SERPINF1: variants seen among roughly 807,000 people sequenced by gnomAD.
SERPINF1 encodes the protein pigment epithelium-derived factor.
SERPINF1 carries 29 observed loss-of-function variants against 37.3 expected under a neutral mutation model. That is an observed-to-expected ratio of 0.78 (90% CI 0.58 to 1.06). SERPINF1 has a LOEUF of 1.06. Ranked by LOEUF, SERPINF1 falls within the 50% of genes least tolerant of loss-of-function variation. The probability of loss-of-function intolerance (pLI) is 0.00; values close to 1 mark genes in which losing one functional copy is unlikely to be tolerated. For synonymous variants in SERPINF1, 281 were observed against 227.9 expected (o/e 1.23, Z -2.10); for missense variants, 553 against 532.2 (o/e 1.04, Z -0.38).
At chr17:1,771,821 G>A (rs975515665) in intron 4 of SERPINF1, 51 bp from the exon 5 acceptor site, 38 of 1,572,792 alleles carry the variant, frequency 2.4e-5, no homozygotes, top group Non-Finnish European at 3.1e-5. Context: ...TCAAAGACGG[G>A]ATGCTTGTCG....
chr17:1,771,575 C>A (rs1410732339), intron 4 of SERPINF1: 2 of 482,170 alleles, frequency 4.1e-6, no homozygotes, highest in Non-Finnish European at 7.6e-6. Context: ...CCAGGCCTGG[C>A]CTGGCACTGG....
intron 2 of SERPINF1, among the ~76,000 whole-genome samples, chr17:1,769,375 C>CGTGA: frequency 6.6e-6 from 1 of 150,402 alleles, no homozygotes; most frequent in African/African-American, 2.5e-5. Context: ...CGCCACCGTA[C>CGTGA]TCCAGCCTGA....
Position 1,769,837 on chromosome 17 carries a change from C to A in SERPINF1, c.85-15C>A. 1 of 1,614,144 alleles carries A rather than the reference C, an allele frequency of 6.2e-7. No homozygotes were observed. The highest frequency in any genetic ancestry group is 8.5e-7 in the Non-Finnish European group (1 of 1,179,984). ...GTCCCTGAACTCAAACCCAAGACTT[C>A]CTGTCTCCTGCCAGGGCTCCCCAGA... On this transcript the variant is annotated splice_polypyrimidine_tract_variant and intron_variant, in intron 2 of 7. Transcript: ENST00000254722.
At position 1,771,198 on chromosome 17, in the gene SERPINF1, G is replaced by A; in HGVS notation, c.439+14G>A. The A allele has an allele frequency of 6.2e-7, 1 of 1,612,392 alleles. No individual in the cohort carries two copies. The highest frequency in any genetic ancestry group is 8.5e-7 in the Non-Finnish European group (1 of 1,179,332). On this transcript the variant is annotated intron_variant, in intron 4 of 7. Transcript: ENST00000254722. ...TCTTTGAGAAGAGTGAGTCGCCTTT[G>A]CAGCCCAAGTTGCCTGAGGCATGTG... is the stretch of plus-strand genomic sequence containing the variant.
intron 5 of SERPINF1, 99 bp downstream of exon 5, chr17:1,772,174 T>C: frequency 1.1e-5 from 14 of 1,291,012 alleles, no homozygotes; most frequent in Non-Finnish European, 1.3e-5. Flanking sequence ...TGGAGTGCAG[T>C]GGTGCGATCT....
chr17:1,770,455 T>G (rs1334601892), intron 3 of SERPINF1: 7 of 102,516 alleles, frequency 6.8e-5, no homozygotes, highest in Non-Finnish European at 1.1e-4. Flanking sequence ...GAATAGTCTT[T>G]TTTTTTTTTT....
rs1333997332 is a variant in SERPINF1 at position 1,771,113 on chromosome 17, A to C, written c.368A>C (p.Lys123Thr). 1 of 1,614,106 alleles carries C rather than the reference A, an allele frequency of 6.2e-7. No individual in the cohort carries two copies. Among genetic ancestry groups the C allele is most frequent in the Non-Finnish European group, 8.5e-7 (1 of 1,179,992 alleles). ...AGCCCAGACATCCATGGTACCTATA[A>C]GGAGCTCCTTGACACGGTCACTGCC... ...ISSPDIHGTY[K>T]ELLDTVTAPQ... Residue 123 changes from lysine (K) to threonine (T), a missense_variant, in exon 4 of 8, where the codon AAG (lysine) becomes ACG (threonine). Lys to Thr is a moderately conservative substitution (Grantham distance 78, BLOSUM62 -1). Transcript: ENST00000254722.
At chr17:1,766,716 G>A in intron 1 of SERPINF1, 187 bp from the exon 2 acceptor site, 2 of 600,754 alleles carry the variant, frequency 3.3e-6, no homozygotes, top group Non-Finnish European at 6.0e-6. Flanking sequence ...TGCTGGGAGG[G>A]ATGGGCCATC....
At position 1,771,989 on chromosome 17, in the gene SERPINF1, C is replaced by T. The variant is rs772682372; in HGVS notation, c.557C>T (p.Ala186Val). 91 of 1,613,670 alleles carry T rather than the reference C, an allele frequency of 5.6e-5. No homozygotes were observed. The highest frequency in any genetic ancestry group is 6.4e-5 in the Non-Finnish European group (75 of 1,179,988). The change falls in exon 5 of 8, where the codon GCG becomes GTG. Residue 186 changes from alanine to valine, a missense_variant. Coordinates refer to ENST00000254722, the MANE Select transcript of SERPINF1 (RefSeq NM_002615.7). ...CAAGAGATCAACAACTGGGTGCAGG[C>T]GCAGATGAAAGGGAAGCTCGCCAGG... ...DLQEINNWVQ[A>V]QMKGKLARST...
intron 6 of SERPINF1, among the ~76,000 whole-genome samples, chr17:1,775,779 C>T (rs1471011179): frequency 6.6e-6 from 1 of 152,226 alleles, no homozygotes; most frequent in East Asian, 1.9e-4. Context: ...GGTGATCCGC[C>T]TGCCTCGGTC....
At chr17:1,769,459 G>T (rs1222060987) in intron 2 of SERPINF1, among the ~76,000 whole-genome samples, 2 of 151,422 alleles carry the variant, frequency 1.3e-5, no homozygotes, top group Non-Finnish European at 2.9e-5. Flanking sequence ...GGTCACAAGT[G>T]TTTAAACCTG....
Position 1,775,194 on chromosome 17 carries a change from C to T in SERPINF1, c.780C>T (p.Ser260=). ...GCTATGGCTTGGATTCAGATCTCAG[C>T]TGCAAGGTCTGTAGGGATAGGGGCA... is the stretch of plus-strand genomic sequence containing the variant. ...VLRYGLDSDL[S]CKIAQLPLTG... is the part of the protein sequence containing the mutation. Residue 260 remains serine, a synonymous_variant, in exon 6 of 8, where the codon AGC becomes AGT. Transcript: ENST00000254722. 1.2e-6 allele frequency: 2 copies of T among 1,610,730 alleles called. No individual in the cohort carries two copies. Among genetic ancestry groups the T allele is most frequent in the Non-Finnish European group, 8.5e-7 (1 of 1,177,892 alleles).
intron 5 of SERPINF1, among the ~76,000 whole-genome samples, chr17:1,772,494 T>C (rs1188536486): frequency 6.6e-6 from 1 of 151,950 alleles, no homozygotes; most frequent in Non-Finnish European, 1.5e-5. Context: ...CAAGTAATCC[T>C]CCCACCTTGG....
chr17:1,770,052 T>C lies in SERPINF1; in HGVS notation c.283+2T>C, dbSNP rs1207097468. The C allele has an allele frequency of 1.9e-6, 3 of 1,613,982 alleles. No individual in the cohort carries two copies. Among genetic ancestry groups the C allele is most frequent in the Non-Finnish European group, 1.7e-6 (2 of 1,179,988 alleles). ...CGGCCCTCTCGGCCCTCTCGCTGGGTGAGTGCTCAGATGCAGGAAGCCCCA... is the reference window on the plus strand; with the variant it reads ...CGGCCCTCTCGGCCCTCTCGCTGGGCGAGTGCTCAGATGCAGGAAGCCCCA... On this transcript the variant is annotated splice_donor_variant, in intron 3 of 7. Coordinates refer to ENST00000254722, the MANE Select transcript of SERPINF1 (RefSeq NM_002615.7). LOFTEE classifies it high-confidence loss of function.
intron 1 of SERPINF1, among the ~76,000 whole-genome samples, chr17:1,764,469 C>T (rs1344264561): frequency 6.6e-6 from 1 of 152,214 alleles, no homozygotes; most frequent in Non-Finnish European, 1.5e-5. Flanking sequence ...CGAAAGTTTT[C>T]TCCCTGCATG....
intron 1 of SERPINF1, among the ~76,000 whole-genome samples, chr17:1,763,301 C>CTTGAG (rs1907194583): frequency 6.6e-6 from 1 of 152,186 alleles, no homozygotes; most frequent in South Asian, 2.1e-4. Flanking sequence ...CATGTATTGG[C>CTTGAG]TTGAGTTGAT....
At position 1,777,280 on chromosome 17, in the gene SERPINF1, G is replaced by A. The variant is rs767448036; in HGVS notation, c.1091G>A (p.Trp364Ter). The A allele has an allele frequency of 1.2e-6, 2 of 1,614,136 alleles. No homozygotes were observed. The highest frequency in any genetic ancestry group is 2.2e-5 in the East Asian group (1 of 44,862). The stretch of plus-strand genomic sequence containing the variant: ...GTGGAACACCGGGCTGGCTTTGAGT[G>A]GAACGAGGATGGGGCGGGAACCACC... ...TQVEHRAGFEWNEDGAGTTPS... is the reference protein window; with the variant it reads ...TQVEHRAGFE The change falls in exon 8 of 8, where the codon TGG becomes TAG. Residue 364 changes from tryptophan to a stop codon, truncating the protein, a stop_gained. Transcript: ENST00000254722. LOFTEE classifies it high-confidence loss of function.
Position 1,777,254 on chromosome 17 carries a change from G to C in SERPINF1, c.1065G>C (p.Gln355His), listed in dbSNP as rs200343956. Residue 355 changes from glutamine to histidine, a missense_variant, in exon 8 of 8, where the codon CAG (glutamine) becomes CAC (histidine). Transcript: ENST00000254722. ...CAGGCAAACCCATCAAGCTGACTCA[G>C]GTGGAACACCGGGCTGGCTTTGAGT... is the stretch of plus-strand genomic sequence containing the variant. Reference protein sequence around the residue: ...KITGKPIKLTQVEHRAGFEWN... With the variant: ...KITGKPIKLTHVEHRAGFEWN... 2 of 1,614,138 alleles carry C rather than the reference G, an allele frequency of 1.2e-6. No individual in the cohort carries two copies. The highest frequency in any genetic ancestry group is 1.7e-6 in the Non-Finnish European group (2 of 1,180,034).
At chr17:1,775,581 C>T (rs372127653) in intron 6 of SERPINF1, among the ~76,000 whole-genome samples, 4 of 148,214 alleles carry the variant, frequency 2.7e-5, no homozygotes, top group African/African-American at 5.1e-5. Context: ...CTCGCTCTGT[C>T]GGCCAGGCTG....
Sources: gnomAD v4.1 joint callset for allele counts (sites outside exome capture counted in the v4.1 genomes callset) on GRCh38, gnomAD v4.1.1 for gene constraint, MANE v1.5 for transcripts, NCBI Gene and HGNC (gene_info 2026-07-23, HGNC 2026-07-21) for gene names.